The following PLCE1 variants were observed in gnomAD, a reference collection of about 807,000 sequenced individuals.
PLCE1 encodes phospholipase C epsilon 1.
In PLCE1, 119 loss-of-function variants were observed where a neutral mutation model predicts 242.8. The ratio of observed to expected loss-of-function variants is 0.49; its 90% CI spans 0.42 to 0.57. The LOEUF (loss-of-function observed/expected upper bound fraction) is 0.57, where lower values mean the gene tolerates loss of function less well. PLCE1 is among the 20% of genes least tolerant of loss of function. The probability of loss-of-function intolerance (pLI) is 0.00; values close to 1 mark genes in which losing one functional copy is unlikely to be tolerated. For missense variants in PLCE1, 2,441 were observed against 2,788.8 expected (o/e 0.88, Z 2.81); for synonymous variants, 945 against 1,017.4 (o/e 0.93, Z 1.35).
At chr10:94,167,525 A>G (rs1231697036) in intron 3 of PLCE1, among the ~76,000 whole-genome samples, 2 of 150,730 alleles carry the variant, frequency 1.3e-5, no homozygotes, top group Non-Finnish European at 3.0e-5. Context: ...TTTTAATTTT[A>G]TTATTATTAT....
chr10:94,094,135 G>A (rs2045205683), intron 2 of PLCE1, among the ~76,000 whole-genome samples: 1 of 148,496 alleles, frequency 6.7e-6, no homozygotes, highest in Non-Finnish European at 1.5e-5. Context: ...TAGAGACGGG[G>A]TTTCACCGTT....
At chr10:94,205,985 C>T (rs1410635760) in intron 4 of PLCE1, among the ~76,000 whole-genome samples, 4 of 152,174 alleles carry the variant, frequency 2.6e-5, no homozygotes, top group Non-Finnish European at 5.9e-5. Context: ...AATAAAACTC[C>T]CTACCCACAT....
At chr10:94,056,841 A>C (rs1286120894) in intron 2 of PLCE1, among the ~76,000 whole-genome samples, 1 of 129,050 alleles carries the variant, frequency 7.7e-6, no homozygotes, top group African/African-American at 2.9e-5. Flanking sequence ...GGTAACTAGT[A>C]ATCTGCTTTT....
chr10:94,224,923 T>C (rs145582618), intron 4 of PLCE1, among the ~76,000 whole-genome samples: 9 of 152,306 alleles, frequency 5.9e-5, no homozygotes, highest in African/African-American at 2.2e-4. Flanking sequence ...TGGGATGATG[T>C]GGACCAGGGT....
intron 4 of PLCE1, among the ~76,000 whole-genome samples, chr10:94,200,455 ATATAT>A (rs1229303056): frequency 3.3e-5 from 5 of 152,246 alleles, no homozygotes; most frequent in Non-Finnish European, 5.9e-5. Context: ...TAAAGGAAAA[ATATAT>A]TATAACCAAA....
intron 3 of PLCE1, among the ~76,000 whole-genome samples, chr10:94,146,402 A>G (rs2047112383): frequency 6.6e-6 from 1 of 152,184 alleles, no homozygotes; most frequent in African/African-American, 2.4e-5. Context: ...GCACCATTGT[A>G]AAAAATCTCC....
chr10:94,127,987 C>CTTT lies in PLCE1; in HGVS notation c.1207-4170_1207-4168dup, dbSNP rs33916545. Among the ~76,000 whole-genome samples, 53 of 118,280 alleles carry CTTT rather than the reference C, an allele frequency of 4.5e-4. 1 individual carries two copies. The highest frequency in any genetic ancestry group is 1.3e-3 in the African/African-American group (40 of 31,772). 77.6% of individuals were successfully genotyped at this position (118,280 alleles called of 152,430 possible). ...GATCTAGGAAGAGATAATACCTTGA[C>CTTT]TTTTTTTTTTTTTTTTTTTGAGACT... On this transcript the variant is annotated intron_variant, in intron 2 of 32. Coordinates refer to ENST00000371380, the MANE Select transcript of PLCE1 (RefSeq NM_016341.4).
chr10:94,002,575 T>C (rs1053506579), intron 1 of PLCE1, among the ~76,000 whole-genome samples: 5 of 152,254 alleles, frequency 3.3e-5, no homozygotes, highest in Non-Finnish European at 7.3e-5. Context: ...TACAATTCTA[T>C]ATTTTATCTT....
At chr10:94,310,431 G>A (rs185836844) in intron 27 of PLCE1, among the ~76,000 whole-genome samples, 10 of 152,132 alleles carry the variant, frequency 6.6e-5, no homozygotes, top group Non-Finnish European at 8.8e-5. Flanking sequence ...GCCACACCCC[G>A]CACCAATTAA....
At chr10:94,121,868 G>A (rs930789734) in intron 2 of PLCE1, among the ~76,000 whole-genome samples, 1 of 152,184 alleles carries the variant, frequency 6.6e-6, no homozygotes, top group African/African-American at 2.4e-5. Context: ...GGGAAATGCA[G>A]TGCTGGTCCA....
chr10:94,301,200 C>T (rs1199155843), intron 24 of PLCE1, among the ~76,000 whole-genome samples: 1 of 150,102 alleles, frequency 6.7e-6, no homozygotes, highest in Admixed American at 6.6e-5. Flanking sequence ...AAAAACTAGC[C>T]GGGCGTGGTA....
chr10:94,273,262 TTC>T (rs1171155096), intron 18 of PLCE1, among the ~76,000 whole-genome samples: 1 of 152,192 alleles, frequency 6.6e-6, no homozygotes, highest in Non-Finnish European at 1.5e-5. Context: ...CTCTAACTGA[TTC>T]TCTGTTTTCT....
At chr10:94,173,161 G>A (rs528506361) in intron 4 of PLCE1, among the ~76,000 whole-genome samples, 27 of 152,296 alleles carry the variant, frequency 1.8e-4, no homozygotes, top group African/African-American at 6.5e-4. Context: ...ACAAGTGGTA[G>A]GTGGCAATTT....
intron 2 of PLCE1, among the ~76,000 whole-genome samples, chr10:94,073,153 C>A (rs1332571343): frequency 6.6e-6 from 1 of 152,078 alleles, no homozygotes; most frequent in Non-Finnish European, 1.5e-5. Context: ...CTGCTCCCCC[C>A]ACCACCCCAC....
At position 94,028,527 on chromosome 10, in the gene PLCE1, A is replaced by T. The variant is rs555830844; in HGVS notation, c.-364-2156A>T. On this transcript the variant is annotated intron_variant, in intron 1 of 32. Coordinates refer to ENST00000371380, the MANE Select transcript of PLCE1 (RefSeq NM_016341.4). The stretch of plus-strand genomic sequence containing the variant: ...ATACATTAGAGGGAAGCCACTAAGT[A>T]TAACCCACATTCAAGGGGCGGGGAA... 4.6e-5 allele frequency among the ~76,000 whole-genome samples: 7 copies of T among 152,330 alleles called. No individual in the cohort carries two copies. In the South Asian group the frequency reaches 1.2e-3, roughly 27 times the overall value.
intron 2 of PLCE1, among the ~76,000 whole-genome samples, chr10:94,087,446 T>C (rs532208067): frequency 5.5e-4 from 84 of 152,002 alleles, no homozygotes; most frequent in African/African-American, 1.8e-3. Context: ...CCTAATTTTC[T>C]TTTTCTTTTG....
intron 2 of PLCE1, among the ~76,000 whole-genome samples, chr10:94,032,962 G>A (rs1228838905): frequency 6.6e-6 from 1 of 151,734 alleles, no homozygotes; most frequent in Non-Finnish European, 1.5e-5. Flanking sequence ...AAATATTTTT[G>A]TAAGAAACAA....
In PLCE1 at chr10:94,197,573, GC is replaced by G. The variant is rs375958542; in HGVS notation, c.1809+26078del. 4.4e-3 allele frequency among the ~76,000 whole-genome samples: 667 copies of G among 152,292 alleles called. 6 individuals are homozygous for G. Among genetic ancestry groups the G allele is most frequent in the African/African-American group, 0.015 (634 of 41,556 alleles). ...GGTTTTGATTTCATTTTCCTAAATA[GC>G]TAATGATGTTGAGTATCTTTTCACC... On this transcript the variant is annotated intron_variant, in intron 4 of 32. Transcript: ENST00000371380.
At chr10:94,235,291 G>A (rs971067261) in intron 6 of PLCE1, among the ~76,000 whole-genome samples, 2 of 152,120 alleles carry the variant, frequency 1.3e-5, no homozygotes, top group African/African-American at 2.4e-5. Flanking sequence ...GGAGGAGAAA[G>A]CTTAAAGGAA....
Sources: allele counts gnomAD v4.1 joint callset (sites outside exome capture counted in the v4.1 genomes callset), GRCh38; gene constraint gnomAD v4.1.1; transcripts MANE v1.5; gene names NCBI Gene and HGNC (gene_info 2026-07-23, HGNC 2026-07-21).